HRH3: variants seen among roughly 807,000 people sequenced by gnomAD.
HRH3 encodes histamine receptor H3.
A neutral mutation model predicts 21.6 loss-of-function variants in HRH3; 13 were observed. That is an observed-to-expected ratio of 0.60 (90% CI 0.39 to 0.96). HRH3 has a LOEUF of 0.96. Among genes scored for constraint, HRH3 ranks in the 40% least tolerant of loss-of-function variants. The pLI, the probability that HRH3 is intolerant of heterozygous loss-of-function variation, is 0.00. For synonymous variants in HRH3, 276 were observed against 290.3 expected (o/e 0.95, Z 0.50); for missense variants, 461 against 622.7 (o/e 0.74, Z 2.76).
chr20:62,216,988 G>A (rs554719217), intron 2 of HRH3, 62 bp from the exon 3 acceptor site: 147 of 1,444,428 alleles, frequency 1.0e-4, no homozygotes, highest in Admixed American at 5.2e-4. Flanking sequence ...GTGCGCCCCC[G>A]TAGCCTGTGG....
Position 62,218,381 on chromosome 20 carries a change from A to ACTTCT in HRH3, c.417+109_417+110insAGAAG. On this transcript the variant is annotated intron_variant, in intron 2 of 2. Coordinates refer to ENST00000340177, the MANE Select transcript of HRH3 (RefSeq NM_007232.3). This position sits in a 1 kb window ranked among gnomAD's most constrained non-coding sequence, Gnocchi z 5.6. Reference sequence around the variant, plus strand: ...GTCAGCAGCAAAGCCAGTGGGACCAAGCCCACTTCTGCCCACAACTCAGAA... The same window carrying ACTTCT: ...GTCAGCAGCAAAGCCAGTGGGACCAACTTCTGCCCACTTCTGCCCACAACTCAGAA... 1.6e-6 allele frequency: 2 copies of ACTTCT among 1,266,150 alleles called. No homozygotes were observed. Among genetic ancestry groups the ACTTCT allele is most frequent in the Non-Finnish European group, 2.2e-6 (2 of 924,686 alleles). 78.4% of individuals were successfully genotyped at this position (1,266,150 alleles called of 1,614,324 possible). A position where few individuals can be genotyped will look rare whatever the true frequency, so the allele number is the denominator to read the frequency against.
In HRH3 at chr20:62,215,368, G is replaced by C. The variant is rs777107245; in HGVS notation, c.*638C>G. 2.2e-5 allele frequency: 10 copies of C among 456,930 alleles called. No homozygotes were observed. The highest frequency in any genetic ancestry group is 1.5e-4 in the South Asian group (10 of 64,572). 28.3% of individuals were successfully genotyped at this position (456,930 alleles called of 1,614,324 possible). A position where few individuals can be genotyped will look rare whatever the true frequency, so the allele number is the denominator to read the frequency against. On this transcript the variant is annotated 3_prime_UTR_variant, in exon 3 of 3. Coordinates refer to ENST00000340177, the MANE Select transcript of HRH3 (RefSeq NM_007232.3). ...TGTCTCTCTTGATTAAACATCCCAG[G>C]AACATCAAGTTCACAGACATGTTTT... is the stretch of plus-strand genomic sequence containing the variant.
rs897103103 is a variant in HRH3 at position 62,217,760 on chromosome 20, G to T, written c.417+731C>A. ...CCCATGCCAGGCTCTCTGCTCGGCCGCTTTACCCTTCGTGGCAGCTCTCCT... is the reference window on the plus strand; with the variant it reads ...CCCATGCCAGGCTCTCTGCTCGGCCTCTTTACCCTTCGTGGCAGCTCTCCT... On this transcript the variant is annotated intron_variant, in intron 2 of 2. Coordinates refer to ENST00000340177, the MANE Select transcript of HRH3 (RefSeq NM_007232.3). 2.0e-5 allele frequency among the ~76,000 whole-genome samples: 3 copies of T among 152,322 alleles called. 1 individual carries two copies. The highest frequency in any genetic ancestry group is 6.8e-3 in the Middle Eastern group (2 of 294).
rs1453761900 is a variant in HRH3 at position 62,219,298 on chromosome 20, C to T, written c.250+423G>A. On this transcript the variant is annotated intron_variant, in intron 1 of 2. Coordinates refer to ENST00000340177, the MANE Select transcript of HRH3 (RefSeq NM_007232.3). This position sits in a 1 kb window ranked among gnomAD's most constrained non-coding sequence, Gnocchi z 8.7. ...GCTCCTCCGAGCGTCTCCCCCAACC[C>T]CCACCTTCCCCACCGTCCCTTCCCC... Among the ~76,000 whole-genome samples, 2 of 149,280 alleles carry T rather than the reference C, an allele frequency of 1.3e-5. No individual in the cohort carries two copies. The highest frequency in any genetic ancestry group is 4.0e-4 in the East Asian group (2 of 4,964).
Position 62,218,471 on chromosome 20 carries a change from C to G in HRH3, c.417+20G>C, listed in dbSNP as rs753033364. The stretch of plus-strand genomic sequence containing the variant: ...ACTGTCCCTGCGGAGTGAACAGGAG[C>G]TCCGCAGCCCAGGACTCACCGCTCG... On this transcript the variant is annotated intron_variant, in intron 2 of 2. Transcript: ENST00000340177. The surrounding 1 kb of genome is among the most constrained non-coding windows in gnomAD (Gnocchi z 5.6). 36 of 1,607,524 alleles carry G rather than the reference C, an allele frequency of 2.2e-5. No individual in the cohort carries two copies. Among genetic ancestry groups the G allele is most frequent in the Non-Finnish European group, 2.9e-5 (34 of 1,178,904 alleles).
Position 62,216,096 on chromosome 20 carries a change from G to A in HRH3, c.1248C>T (p.His416=). 1 of 1,612,388 alleles carries A rather than the reference G, an allele frequency of 6.2e-7. No individual in the cohort carries two copies. Among genetic ancestry groups the A allele is most frequent in the Non-Finnish European group, 8.5e-7 (1 of 1,179,654 alleles). The part of the protein sequence containing the change: ...AVNPVLYPLC[H]HSFRRAFTKL... ...TGGTGAAGGCCCGGCGGAAGCTGTG[G>A]TGGCACAGAGGGTAGAGGACAGGGT... Residue 416 remains histidine, a synonymous_variant, in exon 3 of 3, where the codon CAC becomes CAT. Coordinates refer to ENST00000340177, the MANE Select transcript of HRH3 (RefSeq NM_007232.3).
chr20:62,216,654 G>A lies in HRH3; in HGVS notation c.690C>T (p.Arg230=), dbSNP rs1482377931. The A allele has an allele frequency of 3.1e-6, 5 of 1,612,784 alleles. No homozygotes were observed. In the South Asian group the frequency reaches 5.5e-5, roughly 18 times the overall value. Residue 230 remains arginine, a synonymous_variant, in exon 3 of 3, where the codon CGC becomes CGT. Transcript: ENST00000340177. ...SIYLNIQRRT[R]LRLDGAREAA... ...CCTCTCGAGCCCCATCCAGCCGGAG[G>A]CGGGTGCGCCTCTGGATGTTCAGGT...
chr20:62,216,884 G>C lies in HRH3; in HGVS notation c.460C>G (p.Arg154Gly). Residue 154 changes from arginine (R) to glycine (G), a missense_variant, in exon 3 of 3, where the codon CGG becomes GGG. Around this residue, in one of 6 missense-constraint regions of HRH3, gnomAD observed 74 missense variants for 86.6 expected, o/e 0.85. Coordinates refer to ENST00000340177, the MANE Select transcript of HRH3 (RefSeq NM_007232.3). ...AQQGDTRRAV[R>G]KMLLVWVLAF... is the part of the protein sequence containing the mutation. ...AGCACCCACACCAGCAGCATCTTCCGCACTGCCCGCCGCGTGTCACCCTGC... is the reference window on the plus strand; with the variant it reads ...AGCACCCACACCAGCAGCATCTTCCCCACTGCCCGCCGCGTGTCACCCTGC... 1 of 1,610,662 alleles carries C rather than the reference G, an allele frequency of 6.2e-7. No homozygotes were observed. Among genetic ancestry groups the C allele is most frequent in the Non-Finnish European group, 8.5e-7 (1 of 1,178,544 alleles).
chr20:62,215,125 AC>A lies in HRH3; in HGVS notation c.*880del. On this transcript the variant is annotated 3_prime_UTR_variant, in exon 3 of 3. Transcript: ENST00000340177. ...CTGGACCGCCCCTGCACGCCTTGGG[AC>A]CCTCGGGCCCAGCCGGGCCCCCTCC... 1 of 355,456 alleles carries A rather than the reference AC, an allele frequency of 2.8e-6. No individual in the cohort carries two copies. The highest frequency in any genetic ancestry group is 5.5e-6 in the Non-Finnish European group (1 of 180,512). The allele number at this position is 355,456 out of a possible 1,614,324, so 22.0% of individuals were successfully genotyped here.
rs1479322592 is a variant in HRH3 at position 62,219,402 on chromosome 20, G to A, written c.250+319C>T. On this transcript the variant is annotated intron_variant, in intron 1 of 2. Transcript: ENST00000340177. This position sits in a 1 kb window ranked among gnomAD's most constrained non-coding sequence, Gnocchi z 8.7. ...AACCGCCCCACTGCGCCCTCCGCGC[G>A]TCCTAAGTCCGCAGCAGCCTTTGTT... 1.3e-5 allele frequency among the ~76,000 whole-genome samples: 2 copies of A among 151,140 alleles called. No individual in the cohort carries two copies. Among genetic ancestry groups the A allele is most frequent in the East Asian group, 2.0e-4 (1 of 5,104 alleles).
In HRH3 at chr20:62,216,913, G is replaced by A. The variant is rs146877490; in HGVS notation, c.431C>T (p.Ala144Val). 8 of 1,603,662 alleles carry A rather than the reference G, an allele frequency of 5.0e-6. No individual in the cohort carries two copies. Among genetic ancestry groups the A allele is most frequent in the Non-Finnish European group, 6.8e-6 (8 of 1,174,282 alleles). The change falls in exon 3 of 3, where the codon GCC (alanine) becomes GTC (valine). Residue 144 changes from alanine (A) to valine (V), a missense_variant. By Grantham distance (64) the Ala-to-Val change is moderately conservative. Around this residue, in one of 6 missense-constraint regions of HRH3, gnomAD observed 74 missense variants for 86.6 expected, o/e 0.85. Coordinates refer to ENST00000340177, the MANE Select transcript of HRH3 (RefSeq NM_007232.3). ...TGCCCGCCGCGTGTCACCCTGCTGG[G>A]CCCGGTATGAGACCTGCAGAAGGGC... ...LSVTRAVSYR[A>V]QQGDTRRAVR...
chr20:62,218,412 C>G lies in HRH3; in HGVS notation c.417+79G>C. ...CTTCTGCCCACAACTCAGAAGTGGC[C>G]GTCCCCACCCAGGTGCCTCCCATGG... On this transcript the variant is annotated intron_variant, in intron 2 of 2. Coordinates refer to ENST00000340177, the MANE Select transcript of HRH3 (RefSeq NM_007232.3). This position sits in a 1 kb window ranked among gnomAD's most constrained non-coding sequence, Gnocchi z 5.6. The G allele has an allele frequency of 1.3e-6, 2 of 1,486,798 alleles. No homozygotes were observed. The highest frequency in any genetic ancestry group is 2.0e-5 in the Admixed American group (1 of 50,690). The allele number at this position is 1,486,798 out of a possible 1,614,324, so 92.1% of individuals were successfully genotyped here.
At position 62,215,791 on chromosome 20, in the gene HRH3, C is replaced by T. The variant is rs199656730; in HGVS notation, c.*215G>A. ...GGAGCCAGAATGTGGGGGGCAGGGC[C>T]GGCCACCCAGCCTCCAGTCCAGCCA... On this transcript the variant is annotated 3_prime_UTR_variant, in exon 3 of 3. Coordinates refer to ENST00000340177, the MANE Select transcript of HRH3 (RefSeq NM_007232.3). The T allele has an allele frequency of 6.7e-5, 39 of 586,134 alleles. No individual in the cohort carries two copies. The highest frequency in any genetic ancestry group is 5.4e-4 in the South Asian group (25 of 46,608). 36.3% of individuals were successfully genotyped at this position (586,134 alleles called of 1,614,324 possible).
rs187774303 is a variant in HRH3, at chr20:62,219,469, C to T, written c.250+252G>A. ...GCCAGAGCTGCACCCGCTGCCTTTG[C>T]GCCTTGCGCCTCGCCCAGTGCCCGT... On this transcript the variant is annotated intron_variant, in intron 1 of 2. Coordinates refer to ENST00000340177, the MANE Select transcript of HRH3 (RefSeq NM_007232.3). This position sits in a 1 kb window ranked among gnomAD's most constrained non-coding sequence, Gnocchi z 8.7. Among the ~76,000 whole-genome samples the T allele has an allele frequency of 6.6e-5, 10 of 152,366 alleles. No homozygotes were observed. The highest frequency in any genetic ancestry group is 5.9e-4 in the Admixed American group (9 of 15,312).
Position 62,219,832 on chromosome 20 carries a change from C to T in HRH3, c.139G>A (p.Ala47Thr), listed in dbSNP as rs1450056675. The T allele has an allele frequency of 6.3e-7, 1 of 1,579,576 alleles. No individual in the cohort carries two copies. The highest frequency in any genetic ancestry group is 1.8e-5 in the Admixed American group (1 of 56,264). Reference protein sequence around the residue: ...LAALMALLIVATVLGNALVML... With the variant: ...LAALMALLIVTTVLGNALVML... ...ACCAGCGCGTTGCCCAGCACCGTGG[C>T]CACGATGAGCAGCGCCATGAGCGCG... The change falls in exon 1 of 3, where the codon GCC becomes ACC. Residue 47 changes from alanine (A) to threonine (T), a missense_variant. Coordinates refer to ENST00000340177, the MANE Select transcript of HRH3 (RefSeq NM_007232.3). This position sits in a 1 kb window ranked among gnomAD's most constrained non-coding sequence, Gnocchi z 8.7.
At position 62,215,391 on chromosome 20, in the gene HRH3, TTTC is replaced by T. The variant is rs1376543762; in HGVS notation, c.*612_*614del. 6.6e-6 allele frequency: 3 copies of T among 456,908 alleles called. No individual in the cohort carries two copies. The highest frequency in any genetic ancestry group is 2.3e-5 in the Admixed American group (1 of 42,574). 28.3% of individuals were successfully genotyped at this position (456,908 alleles called of 1,614,324 possible). ...AGGAACATCAAGTTCACAGACATGT[TTTC>T]TTCTTCATCTTTCTGAAAACACCCA... On this transcript the variant is annotated 3_prime_UTR_variant, in exon 3 of 3. Coordinates refer to ENST00000340177, the MANE Select transcript of HRH3 (RefSeq NM_007232.3).
rs148596647 is a variant in HRH3, at chr20:62,218,495, C to T, written c.413G>A (p.Arg138Gln). ...GCTCCGCAGCCCAGGACTCACCGCTCGGGTGACCGACAGGAAGCGGTCGTA... is the reference window on the plus strand; with the variant it reads ...GCTCCGCAGCCCAGGACTCACCGCTTGGGTGACCGACAGGAAGCGGTCGTA... ...ISYDRFLSVT[R>Q]AVSYRAQQGD... is the part of the protein sequence containing the mutation. Residue 138 changes from arginine (R) to glutamine (Q), a missense_variant, in exon 2 of 3, where the codon CGA (arginine) becomes CAA (glutamine). This residue lies in a region of HRH3 where 74 missense variants were observed against 86.6 expected (regional missense o/e 0.85). Coordinates refer to ENST00000340177, the MANE Select transcript of HRH3 (RefSeq NM_007232.3). The surrounding 1 kb of genome is among the most constrained non-coding windows in gnomAD (Gnocchi z 5.6). 8 of 1,611,096 alleles carry T rather than the reference C, an allele frequency of 5.0e-6. No homozygotes were observed. The highest frequency in any genetic ancestry group is 6.8e-6 in the Non-Finnish European group (8 of 1,179,776).
rs1978684882 is a variant in HRH3 at position 62,218,735 on chromosome 20, G to A, written c.251-78C>T. On this transcript the variant is annotated intron_variant, in intron 1 of 2. Transcript: ENST00000340177. The surrounding 1 kb of genome is among the most constrained non-coding windows in gnomAD (Gnocchi z 5.6). Reference sequence around the variant, plus strand: ...ACGGACCTAAGCGCAGACACCGGCGGGACCTGGGGTCACATGGTGGCTGCT... The same window carrying A: ...ACGGACCTAAGCGCAGACACCGGCGAGACCTGGGGTCACATGGTGGCTGCT... The A allele has an allele frequency of 1.4e-6, 2 of 1,413,274 alleles. No homozygotes were observed. Among genetic ancestry groups the A allele is most frequent in the East Asian group, 2.3e-5 (1 of 42,606 alleles). The allele number at this position is 1,413,274 out of a possible 1,614,324, so 87.5% of individuals were successfully genotyped here.
In HRH3 at chr20:62,216,022, T is replaced by C. The variant is rs1173016467; in HGVS notation, c.1322A>G (p.Glu441Gly). The change falls in exon 3 of 3, where the codon GAG (glutamate) becomes GGG (glycine). Residue 441 changes from glutamate (E) to glycine (G), a missense_variant. This residue lies in a region of HRH3 where 102 missense variants were observed against 166.6 expected (regional missense o/e 0.61). Transcript: ENST00000340177. The part of the protein sequence containing the change: ...KLKIQPHSSL[E>G]HCWK Reference sequence around the variant, plus strand: ...GTGGGCCACTCACTTCCAGCAGTGCTCCAGGGAGCTGTGGGGCTGGATTTT... The same window carrying C: ...GTGGGCCACTCACTTCCAGCAGTGCCCCAGGGAGCTGTGGGGCTGGATTTT... The C allele has an allele frequency of 6.3e-7, 1 of 1,579,226 alleles. No individual in the cohort carries two copies. The highest frequency in any genetic ancestry group is 1.9e-5 in the Admixed American group (1 of 53,556).
Sources: gnomAD v4.1 joint callset for allele counts (sites outside exome capture counted in the v4.1 genomes callset) on GRCh38, gnomAD v4.1.1 for gene constraint, gnomAD v4.1.1 regional missense constraint, Gnocchi (gnomAD v3.1) non-coding constraint, MANE v1.5 for transcripts, NCBI Gene and HGNC (gene_info 2026-07-23, HGNC 2026-07-21) for gene names.